Variants in MDGA2 observed in about 807,000 individuals in gnomAD.
The protein encoded by MDGA2 is MAM domain containing glycosylphosphatidylinositol anchor 2.
MDGA2 carries 40 observed loss-of-function variants against 117.8 expected under a neutral mutation model. That is an observed-to-expected ratio of 0.34 (90% confidence interval 0.26 to 0.44). The LOEUF (loss-of-function observed/expected upper bound fraction) is 0.44, where lower values mean the gene tolerates loss of function less well. Among genes scored for constraint, MDGA2 ranks in the 20% least tolerant of loss-of-function variants. The pLI, the probability that MDGA2 is intolerant of heterozygous loss-of-function variation, is 1.00. For synonymous variants in MDGA2, 452 were observed against 439.0 expected (o/e 1.03, Z -0.37); for missense variants, 1,123 against 1,250.6 (o/e 0.90, Z 1.54).
chr14:47,054,644 C>T (rs887005240), intron 7 of MDGA2, among the ~76,000 whole-genome samples: 5 of 151,668 alleles, frequency 3.3e-5, no homozygotes, highest in African/African-American at 1.2e-4. Context: ...GGTACTGGTA[C>T]CAAAACAGAG....
chr14:46,956,064 A>T (rs1040161079), intron 9 of MDGA2, among the ~76,000 whole-genome samples: 3 of 152,114 alleles, frequency 2.0e-5, no homozygotes, highest in Non-Finnish European at 4.4e-5. Flanking sequence ...AGACTAGCTA[A>T]TATTACATTT....
At chr14:47,264,520 T>C (rs925578725) in intron 2 of MDGA2, among the ~76,000 whole-genome samples, 4 of 152,180 alleles carry the variant, frequency 2.6e-5, no homozygotes, top group East Asian at 1.9e-4. Context: ...CTAAGTTTTC[T>C]ACATTCCAAG....
intron 10 of MDGA2, among the ~76,000 whole-genome samples, chr14:46,891,290 T>C (rs1386478791): frequency 6.6e-6 from 1 of 151,796 alleles, no homozygotes; most frequent in Non-Finnish European, 1.5e-5. Context: ...GTAGAATTAC[T>C]GTTTCTAAAT....
intron 3 of MDGA2, among the ~76,000 whole-genome samples, chr14:47,144,978 T>TATA (rs1882882593): frequency 6.6e-6 from 1 of 151,770 alleles, no homozygotes; most frequent in African/African-American, 2.4e-5. Context: ...CTTTTTCCAA[T>TATA]TATTTATAAC....
chr14:47,672,294 A>G (rs1238399553), intron 1 of MDGA2, among the ~76,000 whole-genome samples: 1 of 152,238 alleles, frequency 6.6e-6, no homozygotes, highest in Non-Finnish European at 1.5e-5. Flanking sequence ...AACCACATCA[A>G]TATAAAAACA....
chr14:46,905,201 T>C (rs956901391), intron 10 of MDGA2, among the ~76,000 whole-genome samples: 6 of 152,162 alleles, frequency 3.9e-5, no homozygotes, highest in Non-Finnish European at 5.9e-5. Context: ...ACTCATTTTA[T>C]ACAAGAAGAG....
At chr14:47,610,237 C>T (rs1896822590) in intron 1 of MDGA2, among the ~76,000 whole-genome samples, 1 of 152,098 alleles carries the variant, frequency 6.6e-6, no homozygotes, top group Non-Finnish European at 1.5e-5. Flanking sequence ...AAGCTGAAAG[C>T]ATTCCCTCTG....
In MDGA2 at chr14:47,220,248, A is replaced by G. The variant is rs191964792; in HGVS notation, c.421-2053T>C. 6.6e-5 allele frequency among the ~76,000 whole-genome samples: 10 copies of G among 152,308 alleles called. No individual in the cohort carries two copies. In the East Asian group the frequency reaches 1.7e-3, roughly 26 times the overall value. ...CTGATGAGAAAAGAAACCTCCATAC[A>G]TACTCCGATAAAAGTTGTGACCTCA... is the stretch of plus-strand genomic sequence containing the variant. On this transcript the variant is annotated intron_variant, in intron 2 of 16. Coordinates refer to ENST00000399232, the MANE Select transcript of MDGA2 (RefSeq NM_001113498.3).
chr14:47,489,948 C>G (rs1367390888), intron 1 of MDGA2, among the ~76,000 whole-genome samples: 1 of 152,050 alleles, frequency 6.6e-6, no homozygotes, highest in African/African-American at 2.4e-5. Flanking sequence ...TGGTAGTCTT[C>G]ATACTCATAT....
At chr14:47,291,463 T>C (rs1489171652) in intron 2 of MDGA2, among the ~76,000 whole-genome samples, 1 of 151,576 alleles carries the variant, frequency 6.6e-6, no homozygotes, top group African/African-American at 2.4e-5. Context: ...TAACTTATAA[T>C]GGGGTTATCT....
intron 1 of MDGA2, among the ~76,000 whole-genome samples, chr14:47,557,099 G>C (rs536806574): frequency 2.0e-5 from 3 of 152,228 alleles, no homozygotes; most frequent in Non-Finnish European, 2.9e-5. Flanking sequence ...TCCCCAGGGC[G>C]CATAGTTCAT....
chr14:47,183,945 T>G (rs1884808831), intron 3 of MDGA2, among the ~76,000 whole-genome samples: 1 of 151,998 alleles, frequency 6.6e-6, no homozygotes, highest in African/African-American at 2.4e-5. Context: ...AGGTCTCAAC[T>G]TAGACATCAA....
chr14:47,146,630 AC>A (rs1300994164), intron 3 of MDGA2, among the ~76,000 whole-genome samples: 3 of 152,176 alleles, frequency 2.0e-5, no homozygotes, highest in Non-Finnish European at 4.4e-5. Flanking sequence ...TAAACAATTT[AC>A]TTTTTTTCTT....
At position 47,256,937 on chromosome 14, in the gene MDGA2, T is replaced by G. The variant is rs545477847; in HGVS notation, c.421-38742A>C. On this transcript the variant is annotated intron_variant, in intron 2 of 16. Transcript: ENST00000399232. ...GAAAAAGAAAGAGGAATGAAGGAAG[T>G]GAGGAATGGAAGAAAGGGAAAGAAA... Among the ~76,000 whole-genome samples the G allele has an allele frequency of 4.4e-4, 51 of 115,970 alleles. No homozygotes were observed. The South Asian group carries it at 8.5e-3, about 19-fold the overall frequency. 76.1% of individuals were successfully genotyped at this position (115,970 alleles called of 152,430 possible). A position where few individuals can be genotyped will look rare whatever the true frequency, so the allele number is the denominator to read the frequency against.
chr14:47,140,222 T>C (rs910072248), intron 4 of MDGA2, among the ~76,000 whole-genome samples: 3 of 152,038 alleles, frequency 2.0e-5, no homozygotes, highest in African/African-American at 7.2e-5. Flanking sequence ...GGTTAATGGA[T>C]TGGAAGAATT....
chr14:47,122,007 C>T (rs947062265), intron 5 of MDGA2, among the ~76,000 whole-genome samples: 1 of 151,878 alleles, frequency 6.6e-6, no homozygotes, highest in Admixed American at 6.6e-5. Context: ...CTTGCATGGA[C>T]CTTGGGGCTC....
At chr14:47,059,448 A>G (rs1889803771) in intron 7 of MDGA2, 2 of 493,278 alleles carry the variant, frequency 4.1e-6, no homozygotes, top group East Asian at 7.7e-5. Context: ...TCTTATTACT[A>G]ATCTTGAATT....
intron 1 of MDGA2, among the ~76,000 whole-genome samples, chr14:47,522,588 T>G (rs1485905419): frequency 8.2e-6 from 1 of 122,582 alleles, no homozygotes; most frequent in African/African-American, 2.9e-5. Context: ...AGGGTGATAT[T>G]TCTAAGTTTC....
chr14:47,377,386 C>G (rs1220716809), intron 1 of MDGA2, among the ~76,000 whole-genome samples: 1 of 152,090 alleles, frequency 6.6e-6, no homozygotes, highest in African/African-American at 2.4e-5. Context: ...GTGCAGCCCA[C>G]AGAGTGTGAG....
Sources: allele counts gnomAD v4.1 joint callset (sites outside exome capture counted in the v4.1 genomes callset), GRCh38; gene constraint gnomAD v4.1.1; transcripts MANE v1.5; gene names NCBI Gene and HGNC (gene_info 2026-07-23, HGNC 2026-07-21).